LARGE1: variants seen among roughly 807,000 people sequenced by gnomAD.
The protein encoded by LARGE1 is xylosyl- and glucuronyltransferase LARGE1.
LARGE1 carries 43 observed loss-of-function variants against 87.6 expected under a neutral mutation model. The ratio of observed to expected loss-of-function variants is 0.49; its 90% CI spans 0.38 to 0.63. LARGE1 has a LOEUF of 0.63. LARGE1 is among the 30% of genes least tolerant of loss of function. The pLI, the probability that LARGE1 is intolerant of heterozygous loss-of-function variation, is 0.00. For missense variants in LARGE1, 802 were observed against 1,000.2 expected, an observed-to-expected ratio of 0.80 and a Z score of 2.67; for synonymous variants, 434 against 394.6, an observed-to-expected ratio of 1.10 and a Z score of -1.18.
intron 1 of LARGE1, among the ~76,000 whole-genome samples, chr22:33,778,450 T>G (rs748699287): frequency 3.9e-5 from 6 of 152,156 alleles, no homozygotes; most frequent in Non-Finnish European, 8.8e-5. Flanking sequence ...TTTCCATCAA[T>G]CTGAAAGAAA....
chr22:33,138,454 T>TA, the LARGE1 span, among the ~76,000 whole-genome samples: 2 of 151,708 alleles, frequency 1.3e-5, no homozygotes, highest in African/African-American at 2.4e-5. Flanking sequence ...TTTTTCATTT[T>TA]TTTTTTTGAG....
chr22:33,767,468 CAT>C (rs2084942581), intron 1 of LARGE1, among the ~76,000 whole-genome samples: 1 of 148,032 alleles, frequency 6.8e-6, no homozygotes, highest in Non-Finnish European at 1.5e-5. Flanking sequence ...AATATATATA[CAT>C]ATATATTATA....
chr22:33,297,426 C>T (rs1158954948), intron 12 of LARGE1, among the ~76,000 whole-genome samples: 7 of 148,666 alleles, frequency 4.7e-5, no homozygotes, highest in South Asian at 4.3e-4. Context: ...CTGGCCAACA[C>T]GGCAAAACTC....
At chr22:33,568,689 C>T (rs1284233977) in intron 5 of LARGE1, among the ~76,000 whole-genome samples, 4 of 145,492 alleles carry the variant, frequency 2.7e-5, no homozygotes, top group African/African-American at 7.4e-5. Flanking sequence ...TCACTTGAAC[C>T]TAGGAAGCGG....
chr22:33,422,981 A>T (rs371839966), intron 7 of LARGE1, among the ~76,000 whole-genome samples: 32 of 149,714 alleles, frequency 2.1e-4, no homozygotes, highest in South Asian at 4.2e-4. Flanking sequence ...TGGAACTAAC[A>T]CTACTTACGG....
At chr22:33,414,967 T>A (rs1372173590) in intron 7 of LARGE1, among the ~76,000 whole-genome samples, 1 of 152,232 alleles carries the variant, frequency 6.6e-6, no homozygotes. Context: ...TTTATGTTGT[T>A]TATAAGCCAC....
intron 11 of LARGE1, among the ~76,000 whole-genome samples, chr22:33,261,823 A>T (rs1927642596): frequency 6.6e-6 from 1 of 152,198 alleles, no homozygotes; most frequent in Non-Finnish European, 1.5e-5. Flanking sequence ...TCTCTGTAGT[A>T]GAGAATCAAA....
chr22:33,358,235 G>A (rs1941081179), intron 9 of LARGE1, among the ~76,000 whole-genome samples: 1 of 152,168 alleles, frequency 6.6e-6, no homozygotes, highest in South Asian at 2.1e-4. Flanking sequence ...CTGGCCTGAA[G>A]TGAAAGAGAA....
At chr22:33,808,784 C>T (rs1461900758) in intron 1 of LARGE1, among the ~76,000 whole-genome samples, 2 of 152,172 alleles carry the variant, frequency 1.3e-5, no homozygotes, top group Non-Finnish European at 2.9e-5. Flanking sequence ...TGTGAACTTC[C>T]AAAGCAGTAG....
chr22:33,119,142 T>C, the LARGE1 span, among the ~76,000 whole-genome samples: 1 of 152,174 alleles, frequency 6.6e-6, no homozygotes, highest in African/African-American at 2.4e-5. Context: ...TGGCTGGCTT[T>C]TTCTACCTTC....
At chr22:33,876,625 CA>C (rs1174417498) in intron 1 of LARGE1, among the ~76,000 whole-genome samples, 7 of 143,526 alleles carry the variant, frequency 4.9e-5, no homozygotes, top group Admixed American at 7.1e-5. Context: ...GGGAGGAGAA[CA>C]ACATACAACA....
At chr22:33,366,105 A>G (rs906858104) in intron 9 of LARGE1, among the ~76,000 whole-genome samples, 6 of 152,188 alleles carry the variant, frequency 3.9e-5, no homozygotes, top group Non-Finnish European at 8.8e-5. Flanking sequence ...TCACTTTCTA[A>G]GTTTCTAATC....
In LARGE1 at chr22:33,666,461, G is replaced by A. The variant is rs535847787; in HGVS notation, c.107-15793C>T. 2.0e-5 allele frequency among the ~76,000 whole-genome samples: 3 copies of A among 152,330 alleles called. No homozygotes were observed. In the South Asian group the frequency reaches 6.2e-4, roughly 32 times the overall value. On this transcript the variant is annotated intron_variant, in intron 2 of 14. Transcript: ENST00000397394. ...GCCTAAGCAGGAGAGCTACCGCAGA[G>A]AGTGCATGAGGCCATTATTTCTAGA...
intron 4 of LARGE1, 41 bp from the exon 5 acceptor site, chr22:33,604,599 C>A: frequency 6.2e-7 from 1 of 1,613,290 alleles, no homozygotes; most frequent in Non-Finnish European, 8.5e-7. Flanking sequence ...TGGAGAGGTA[C>A]GGCTCTTTGA....
the LARGE1 span, among the ~76,000 whole-genome samples, chr22:33,080,070 T>C: frequency 6.6e-6 from 1 of 152,180 alleles, no homozygotes; most frequent in African/African-American, 2.4e-5. Flanking sequence ...TCCTCTCAAA[T>C]GTTCCTTTGT....
intron 5 of LARGE1, among the ~76,000 whole-genome samples, chr22:33,586,896 T>A (rs926161966): frequency 6.6e-6 from 1 of 152,172 alleles, no homozygotes; most frequent in East Asian, 1.9e-4. Context: ...GTCTGCAAAA[T>A]GCAATGAAAA....
At chr22:33,303,883 A>G (rs1934506823) in intron 12 of LARGE1, among the ~76,000 whole-genome samples, 1 of 152,082 alleles carries the variant, frequency 6.6e-6, no homozygotes, top group Non-Finnish European at 1.5e-5. Flanking sequence ...TCAGCCTCCC[A>G]AAGTGCTAGG....
At chr22:33,861,401 A>AC (rs2063915284) in intron 1 of LARGE1, among the ~76,000 whole-genome samples, 2 of 148,956 alleles carry the variant, frequency 1.3e-5, no homozygotes, top group African/African-American at 4.9e-5. Context: ...CACACACACA[A>AC]ACACACACAC....
At chr22:33,122,363 T>C in the LARGE1 span, among the ~76,000 whole-genome samples, 3 of 149,880 alleles carry the variant, frequency 2.0e-5, no homozygotes, top group Admixed American at 2.0e-4. Context: ...CTTTTTCTTT[T>C]TTTTTTTTTT....
Sources: allele counts gnomAD v4.1 joint callset (sites outside exome capture counted in the v4.1 genomes callset), GRCh38; gene constraint gnomAD v4.1.1; transcripts MANE v1.5; gene names NCBI Gene and HGNC (gene_info 2026-07-23, HGNC 2026-07-21).